The following SLC41A2 variants were observed in gnomAD, a reference collection of about 807,000 sequenced individuals.
SLC41A2 encodes solute carrier family 41 member 2, also known as SLC41A1-like 1.
In SLC41A2, 32 loss-of-function variants were observed where a neutral mutation model predicts 58.3. The ratio of observed to expected loss-of-function variants is 0.55; its 90% CI spans 0.41 to 0.74. The LOEUF is 0.74. Ranked by LOEUF, SLC41A2 falls within the 30% of genes least tolerant of loss-of-function variation. The probability of loss-of-function intolerance (pLI) is 0.00; values close to 1 mark genes in which losing one functional copy is unlikely to be tolerated. For missense variants in SLC41A2, 514 were observed against 680.6 expected (o/e 0.76, Z 2.72); for synonymous variants, 190 against 235.0 (o/e 0.81, Z 1.75).
At chr12:104,903,567 C>G (rs554851081) in intron 3 of SLC41A2, among the ~76,000 whole-genome samples, 1 of 152,320 alleles carries the variant, frequency 6.6e-6, no homozygotes, top group Non-Finnish European at 1.5e-5. Context: ...ATTTGTATTT[C>G]TAACAAGTTG....
At chr12:104,866,962 T>C (rs1018707321) in intron 6 of SLC41A2, among the ~76,000 whole-genome samples, 6 of 151,794 alleles carry the variant, frequency 4.0e-5, no homozygotes, top group Admixed American at 1.3e-4. Flanking sequence ...CAATATAAAA[T>C]AGATACTGTC....
At chr12:104,937,320 T>C (rs571498860) in intron 1 of SLC41A2, among the ~76,000 whole-genome samples, 5 of 152,296 alleles carry the variant, frequency 3.3e-5, no homozygotes, top group Non-Finnish European at 7.3e-5. Flanking sequence ...GAAAACTCCA[T>C]TCATGGTAAA....
At chr12:104,952,831 T>C (rs1486294503) in intron 1 of SLC41A2, among the ~76,000 whole-genome samples, 1 of 152,172 alleles carries the variant, frequency 6.6e-6, no homozygotes, top group East Asian at 1.9e-4. Context: ...CATGTTCTTT[T>C]TGCTCAAAAC....
At chr12:104,918,429 T>C (rs2046429083) in intron 2 of SLC41A2, among the ~76,000 whole-genome samples, 1 of 152,120 alleles carries the variant, frequency 6.6e-6, no homozygotes, top group Non-Finnish European at 1.5e-5. Flanking sequence ...TTAATTATGA[T>C]ACATCCTTGT....
chr12:104,860,365 G>A (rs569226921), intron 8 of SLC41A2, among the ~76,000 whole-genome samples: 5 of 147,266 alleles, frequency 3.4e-5, no homozygotes, highest in Admixed American at 2.0e-4. Flanking sequence ...AAACCTGCAC[G>A]TTCTGCACAT....
At position 104,813,884 on chromosome 12, in the gene SLC41A2, C is replaced by CCTTGGCCTCCCAAAGTGCTGGGATTACAG. The variant is rs542989489; in HGVS notation, c.1537-8576_1537-8548dup. Among the ~76,000 whole-genome samples, 832 of 152,190 alleles carry CCTTGGCCTCCCAAAGTGCTGGGATTACAG rather than the reference C, an allele frequency of 5.5e-3. 14 individuals are homozygous for CCTTGGCCTCCCAAAGTGCTGGGATTACAG. Among genetic ancestry groups the CCTTGGCCTCCCAAAGTGCTGGGATTACAG allele is most frequent in the African/African-American group, 0.019 (780 of 41,460 alleles). ...CTCCTGACCTCAGGTGATCTGCCCA[C>CCTTGGCCTCCCAAAGTGCTGGGATTACAG]CTTGGCCTCCCAAAGTGCTGGGATT... On this transcript the variant is annotated intron_variant, in intron 10 of 10. Coordinates refer to ENST00000258538, the MANE Select transcript of SLC41A2 (RefSeq NM_001352171.3).
intron 6 of SLC41A2, among the ~76,000 whole-genome samples, chr12:104,876,440 T>C (rs960714807): frequency 6.6e-6 from 1 of 152,186 alleles, no homozygotes; most frequent in Non-Finnish European, 1.5e-5. Flanking sequence ...TCCCTTAGGT[T>C]TTGGTATGTT....
intron 1 of SLC41A2, chr12:104,931,504 G>C (rs2047051404): frequency 6.6e-6 from 1 of 152,188 alleles, no homozygotes; most frequent in Non-Finnish European, 1.5e-5. Flanking sequence ...CACAGTTACT[G>C]CTCTGATGGA....
rs372175701 is a variant in SLC41A2, at chr12:104,892,301, AAAAATAAAAT to A, written c.735+2963_735+2972del. 6.4e-3 allele frequency among the ~76,000 whole-genome samples: 904 copies of A among 140,666 alleles called. 51 individuals are homozygous for A. Among genetic ancestry groups the A allele is most frequent in the African/African-American group, 0.022 (757 of 34,018 alleles). The allele number at this position is 140,666 out of a possible 152,430, so 92.3% of individuals were successfully genotyped here. A position where few individuals can be genotyped will look rare whatever the true frequency, so the allele number is the denominator to read the frequency against. ...ACAGAACAAGACCTCATCTCAAAAA[AAAAATAAAAT>A]AAAATAAAATAAAATAAAATAAAAT... is the stretch of plus-strand genomic sequence containing the variant. On this transcript the variant is annotated intron_variant, in intron 4 of 10. Transcript: ENST00000258538.
At chr12:104,896,997 C>T (rs2045317762) in intron 3 of SLC41A2, among the ~76,000 whole-genome samples, 1 of 152,164 alleles carries the variant, frequency 6.6e-6, no homozygotes, top group South Asian at 2.1e-4. Context: ...CAGGTGGCTT[C>T]ACTGAGTTTC....
intron 3 of SLC41A2, among the ~76,000 whole-genome samples, chr12:104,898,841 C>G (rs1167702320): frequency 1.3e-5 from 2 of 152,116 alleles, no homozygotes; most frequent in Non-Finnish European, 2.9e-5. Flanking sequence ...AGACACCTCA[C>G]CAAAGAAGAC....
intron 10 of SLC41A2, among the ~76,000 whole-genome samples, chr12:104,809,693 G>A (rs1192639122): frequency 6.6e-6 from 1 of 152,150 alleles, no homozygotes; most frequent in Non-Finnish European, 1.5e-5. Context: ...TTACCACTCT[G>A]AGCCTAGTAT....
intron 6 of SLC41A2, among the ~76,000 whole-genome samples, chr12:104,876,507 C>A (rs2044051765): frequency 6.6e-6 from 1 of 151,926 alleles, no homozygotes; most frequent in Non-Finnish European, 1.5e-5. Context: ...TGGATTTCTT[C>A]TTTGACCTCT....
chr12:104,840,171 G>A (rs968746993), intron 10 of SLC41A2, among the ~76,000 whole-genome samples: 5 of 152,188 alleles, frequency 3.3e-5, no homozygotes, highest in African/African-American at 1.2e-4. Flanking sequence ...GGCCAGCAAT[G>A]CCCATCCAAA....
chr12:104,864,994 CACTGCAAGGCAT>C (rs2043365700), intron 7 of SLC41A2, among the ~76,000 whole-genome samples: 2 of 151,896 alleles, frequency 1.3e-5, no homozygotes, highest in African/African-American at 2.4e-5. Flanking sequence ...GTTTAAGGGG[CACTGCAAGGCAT>C]ACTTGGAACT....
In SLC41A2 at chr12:104,921,396, C is replaced by T. The variant is rs372657893; in HGVS notation, c.555+6577G>A. Among the ~76,000 whole-genome samples, 152 of 151,808 alleles carry T rather than the reference C, an allele frequency of 1.0e-3. 1 individual carries two copies. The highest frequency in any genetic ancestry group is 3.5e-3 in the African/African-American group (146 of 41,420). On this transcript the variant is annotated intron_variant, in intron 2 of 10. Transcript: ENST00000258538. ...GCAGCAAGAGAAAAAGAAGAAATAA[C>T]ATGTGAAGGAGCTCCAGGTCATCTG...
chr12:104,922,473 A>ATT (rs149686671), intron 2 of SLC41A2, among the ~76,000 whole-genome samples: 7,755 of 151,442 alleles, frequency 0.051, 261 homozygotes, highest in East Asian at 0.1. Flanking sequence ...AGACATAACA[A>ATT]TTGTATATAT....
intron 2 of SLC41A2, among the ~76,000 whole-genome samples, chr12:104,925,548 G>T (rs1375641769): frequency 7.0e-6 from 1 of 143,016 alleles, no homozygotes; most frequent in East Asian, 2.0e-4. Flanking sequence ...AAAGAGCGAG[G>T]CTCCATCTCA....
chr12:104,905,410 C>A (rs900999923), intron 3 of SLC41A2, among the ~76,000 whole-genome samples: 3 of 152,258 alleles, frequency 2.0e-5, no homozygotes, highest in Non-Finnish European at 4.4e-5. Context: ...TATAAAGACT[C>A]TCCACGTCCC....
Sources: gnomAD v4.1 joint callset for allele counts (sites outside exome capture counted in the v4.1 genomes callset) on GRCh38, gnomAD v4.1.1 for gene constraint, MANE v1.5 for transcripts, NCBI Gene and HGNC (gene_info 2026-07-23, HGNC 2026-07-21) for gene names.